Variants in CATSPERZ observed in about 807,000 individuals in gnomAD.
CATSPERZ encodes the protein catsper channel auxiliary subunit zeta.
CATSPERZ carries 21 observed loss-of-function variants against 21.7 expected under a neutral mutation model. That is an observed-to-expected ratio of 0.97 (90% CI 0.69 to 1.39). The LOEUF (loss-of-function observed/expected upper bound fraction) is 1.39, where lower values mean the gene tolerates loss of function less well. Ranked by LOEUF, CATSPERZ falls within the 40% of genes most tolerant of loss-of-function variation. The pLI, the probability that CATSPERZ is intolerant of heterozygous loss-of-function variation, is 0.00. For synonymous variants in CATSPERZ, 127 were observed against 108.7 expected (o/e 1.17, Z -1.05); for missense variants, 234 against 259.5 (o/e 0.90, Z 0.68).
Position 64,303,796 on chromosome 11 carries a change from C to A in CATSPERZ, c.456C>A (p.Leu152=). The A allele has an allele frequency of 6.9e-6, 11 of 1,601,402 alleles. No individual in the cohort carries two copies. The highest frequency in any genetic ancestry group is 9.4e-6 in the Non-Finnish European group (11 of 1,174,184). The change falls in exon 4 of 5, where the codon CTC becomes CTA. Residue 152 remains leucine, a synonymous_variant. Coordinates refer to ENST00000328404, the MANE Select transcript of CATSPERZ (RefSeq NM_001039496.2). ...AGCTGCCACTGCCCCTGATGGAACT[C>A]ATGGAGAATGAAGCTCTGGAAATCC... ...QSRLPLPLME[L]MENEALEILT... is the part of the protein sequence containing the mutation.
chr11:64,303,943 C>T, intron 4 of CATSPERZ, 104 bp downstream of exon 4: 2 of 1,149,586 alleles, frequency 1.7e-6, no homozygotes, highest in East Asian at 2.6e-5. Context: ...TATGTCTTGT[C>T]AGATGCCCTT....
chr11:64,304,497 C>A, intron 4 of CATSPERZ, 46 bp from the exon 5 acceptor site: 1 of 1,489,120 alleles, frequency 6.7e-7, no homozygotes, highest in Non-Finnish European at 9.1e-7. Flanking sequence ...GTGGGGAGAC[C>A]TTTCGGTTGC....
chr11:64,303,866 CTCCCACGACAGAT>C, intron 4 of CATSPERZ, 27 bp downstream of exon 4: 2 of 1,583,220 alleles, frequency 1.3e-6, no homozygotes, highest in Non-Finnish European at 8.6e-7. Context: ...CCCCCAAGAA[CTCCCACGACAGAT>C]TCTGGTGGAT....
At chr11:64,301,430 G>A (rs1295167643) in intron 2 of CATSPERZ, among the ~76,000 whole-genome samples, 2 of 139,068 alleles carry the variant, frequency 1.4e-5, no homozygotes, top group Non-Finnish European at 3.0e-5. Context: ...TTTTGAGACG[G>A]AGTCTCGCTG....
chr11:64,304,486 G>C, intron 4 of CATSPERZ, 57 bp from the exon 5 acceptor site: 2 of 1,380,212 alleles, frequency 1.4e-6, no homozygotes, highest in African/African-American at 1.5e-5. Context: ...GGCGCCCCCT[G>C]GTGGGGAGAC....
rs192327290 is a variant in CATSPERZ, at chr11:64,304,726, C to A, written c.*80C>A. 4.2e-5 allele frequency: 51 copies of A among 1,211,536 alleles called. No individual in the cohort carries two copies. The East Asian group carries it at 1.1e-3, about 27-fold the overall frequency. 75.0% of individuals were successfully genotyped at this position (1,211,536 alleles called of 1,614,324 possible). On this transcript the variant is annotated 3_prime_UTR_variant, in exon 5 of 5. Transcript: ENST00000328404. ...CCCCAGACCCAAGCCTGACCCCATC[C>A]GAGTGGAATTTGAGTCCTAAAGAAA...
chr11:64,300,397 G>A lies in CATSPERZ; in HGVS notation c.-14G>A, dbSNP rs202061149. 2.1e-6 allele frequency: 3 copies of A among 1,439,460 alleles called. No homozygotes were observed. Among genetic ancestry groups the A allele is most frequent in the Middle Eastern group, 1.9e-4 (1 of 5,172 alleles). The allele number at this position is 1,439,460 out of a possible 1,614,324, so 89.2% of individuals were successfully genotyped here. On this transcript the variant is annotated 5_prime_UTR_variant, in exon 1 of 5. Coordinates refer to ENST00000328404, the MANE Select transcript of CATSPERZ (RefSeq NM_001039496.2). ...CTCGAGGCCTGTGGCGTCTGGGTCC[G>A]TTGGGGCAGAACCATGGAGGAAAAG...
intron 3 of CATSPERZ, 26 bp from the exon 4 acceptor site, chr11:64,303,747 G>A (rs745584569): frequency 2.5e-6 from 4 of 1,579,884 alleles, no homozygotes; most frequent in African/African-American, 1.4e-5. Context: ...GTACCTGGAC[G>A]CCTAAGCCTC....
intron 2 of CATSPERZ, among the ~76,000 whole-genome samples, chr11:64,303,238 T>C (rs2034956836): frequency 6.6e-6 from 1 of 152,126 alleles, no homozygotes; most frequent in Admixed American, 6.5e-5. Context: ...GATGAAGAAC[T>C]TGAGGGTCAG....
chr11:64,303,968 T>C, intron 4 of CATSPERZ, 129 bp downstream of exon 4: 3 of 879,270 alleles, frequency 3.4e-6, no homozygotes, highest in Non-Finnish European at 5.3e-6. Context: ...CTCACAAGTA[T>C]TCCAAGGGCC....
chr11:64,302,304 G>A (rs1311615785), intron 2 of CATSPERZ, among the ~76,000 whole-genome samples: 2 of 151,780 alleles, frequency 1.3e-5, no homozygotes, highest in Non-Finnish European at 2.9e-5. Flanking sequence ...TTTTTGAGAC[G>A]GGGTCTCACT....
chr11:64,300,842 G>A lies in CATSPERZ; in HGVS notation c.207G>A (p.Gly69=). The change falls in exon 2 of 5, where the codon GGG becomes GGA. Residue 69 remains glycine (G), a synonymous_variant. Transcript: ENST00000328404. The part of the protein sequence containing the change: ...ISKTRGWHSP[G]RGSLDEGYKA... ...AGACCCGCGGGTGGCACAGCCCGGG[G>A]CGGGGCTCGTTGGACGAGGGGTACA... 6.4e-7 allele frequency: 1 copy of A among 1,559,502 alleles called. No individual in the cohort carries two copies. Among genetic ancestry groups the A allele is most frequent in the Non-Finnish European group, 8.7e-7 (1 of 1,152,806 alleles).
At chr11:64,301,224 G>GT (rs1463029901) in intron 2 of CATSPERZ, among the ~76,000 whole-genome samples, 1 of 152,230 alleles carries the variant, frequency 6.6e-6, no homozygotes, top group Non-Finnish European at 1.5e-5. Context: ...GTCCGGGGAA[G>GT]GACGCACCAA....
Position 64,303,850 on chromosome 11 carries a change from C to A in CATSPERZ, c.499+11C>A. 1 of 1,589,942 alleles carries A rather than the reference C, an allele frequency of 6.3e-7. No individual in the cohort carries two copies. On this transcript the variant is annotated intron_variant, in intron 4 of 4. Transcript: ENST00000328404. ...CCAAAGCCCTCCGGAGTAAGCTCCC[C>A]GCCAACCCCCAAGAACTCCCACGAC...
At chr11:64,303,268 C>A (rs959696832) in intron 2 of CATSPERZ, among the ~76,000 whole-genome samples, 6 of 152,098 alleles carry the variant, frequency 3.9e-5, no homozygotes, top group African/African-American at 9.7e-5. Context: ...GTCACTGGTC[C>A]TAAGTGTCAC....
chr11:64,301,314 C>T (rs1403679357), intron 2 of CATSPERZ, among the ~76,000 whole-genome samples: 1 of 151,888 alleles, frequency 6.6e-6, no homozygotes, highest in East Asian at 1.9e-4. Flanking sequence ...GTTTTTGAGA[C>T]AGGATCTCAC....
At chr11:64,302,260 CTATT>C (rs1450388726) in intron 2 of CATSPERZ, among the ~76,000 whole-genome samples, 5 of 152,130 alleles carry the variant, frequency 3.3e-5, no homozygotes, top group African/African-American at 4.8e-5. Flanking sequence ...CCATAAAGAG[CTATT>C]TATTTTTTAT....
At position 64,304,731 on chromosome 11, in the gene CATSPERZ, G is replaced by A; in HGVS notation, c.*85G>A. The A allele has an allele frequency of 1.8e-6, 2 of 1,126,638 alleles. No individual in the cohort carries two copies. Among genetic ancestry groups the A allele is most frequent in the Non-Finnish European group, 2.6e-6 (2 of 781,816 alleles). The allele number at this position is 1,126,638 out of a possible 1,614,324, so 69.8% of individuals were successfully genotyped here. ...GACCCAAGCCTGACCCCATCCGAGT[G>A]GAATTTGAGTCCTAAAGAAATAAAA... On this transcript the variant is annotated 3_prime_UTR_variant, in exon 5 of 5. Transcript: ENST00000328404.
chr11:64,300,878 C>T lies in CATSPERZ; in HGVS notation c.243C>T (p.His81=). The stretch of plus-strand genomic sequence containing the variant: ...TGGACGAGGGGTACAAGGCCAGCCA[C>T]AAGCCGGAGGAACTGGACGAGCACG... ...GSLDEGYKAS[H]KPEELDEHAL... The change falls in exon 2 of 5, where the codon CAC becomes CAT. Residue 81 remains histidine (H), a synonymous_variant. Transcript: ENST00000328404. 3 of 1,567,292 alleles carry T rather than the reference C, an allele frequency of 1.9e-6. No individual in the cohort carries two copies. The highest frequency in any genetic ancestry group is 2.6e-6 in the Non-Finnish European group (3 of 1,157,276).
Sources: allele counts gnomAD v4.1 joint callset (sites outside exome capture counted in the v4.1 genomes callset), GRCh38; gene constraint gnomAD v4.1.1; transcripts MANE v1.5; gene names NCBI Gene and HGNC (gene_info 2026-07-23, HGNC 2026-07-21).